JAK1: variants seen among roughly 807,000 people sequenced by gnomAD.
The protein encoded by JAK1 is Janus kinase 1.
In JAK1, 16 loss-of-function variants were observed where a neutral mutation model predicts 136.6. That is an observed-to-expected ratio of 0.12 (90% CI 0.08 to 0.18). The LOEUF is 0.18. Ranked by LOEUF, JAK1 falls within the 10% of genes least tolerant of loss-of-function variation. The pLI is 1.00. For missense variants in JAK1, 859 were observed against 1,450.1 expected, an observed-to-expected ratio of 0.59 and a Z score of 6.62; for synonymous variants, 492 against 519.5, an observed-to-expected ratio of 0.95 and a Z score of 0.72.
In JAK1 at chr1:64,842,832, T is replaced by C. The variant is rs538995917; in HGVS notation, c.2404-1231A>G. 4.6e-5 allele frequency among the ~76,000 whole-genome samples: 7 copies of C among 152,350 alleles called. No individual in the cohort carries two copies. The East Asian group carries it at 1.3e-3, about 29-fold the overall frequency. On this transcript the variant is annotated intron_variant, in intron 17 of 24. Coordinates refer to ENST00000342505, the MANE Select transcript of JAK1 (RefSeq NM_002227.4). Reference sequence around the variant, plus strand: ...AGATCTGTAGATCTGATGGTTTCCCTGCGGGTTTAAGATCCTTTCCCAAGT... The same window carrying C: ...AGATCTGTAGATCTGATGGTTTCCCCGCGGGTTTAAGATCCTTTCCCAAGT...
chr1:64,979,816 A>C (rs1464498848), intron 2 of JAK1: 1 of 152,190 alleles, frequency 6.6e-6, no homozygotes, highest in Non-Finnish European at 1.5e-5. Flanking sequence ...ATTACCGAAA[A>C]TCCAGATAGA....
intron 2 of JAK1, among the ~76,000 whole-genome samples, chr1:65,002,893 C>G (rs1646773086): frequency 6.6e-6 from 1 of 152,220 alleles, no homozygotes; most frequent in Non-Finnish European, 1.5e-5. Context: ...GACGCACGCA[C>G]GCGCTGCTCC....
At chr1:65,050,977 G>C (rs1181223943) in intron 1 of JAK1, among the ~76,000 whole-genome samples, 1 of 152,086 alleles carries the variant, frequency 6.6e-6, no homozygotes, top group Non-Finnish European at 1.5e-5. Flanking sequence ...TTGGTACACA[G>C]GCGCTCAACA....
At chr1:64,839,018 C>A (rs367686039) in intron 20 of JAK1, among the ~76,000 whole-genome samples, 4 of 150,028 alleles carry the variant, frequency 2.7e-5, no homozygotes, top group Non-Finnish European at 5.9e-5. Flanking sequence ...TGATGGCGGG[C>A]GCCTGTAGTC....
At chr1:64,961,650 A>G (rs557032786) in intron 1 of JAK1, among the ~76,000 whole-genome samples, 22 of 152,218 alleles carry the variant, frequency 1.4e-4, no homozygotes, top group African/African-American at 5.3e-4. Flanking sequence ...CACCACGTAC[A>G]TGCCCACTTT....
intron 2 of JAK1, among the ~76,000 whole-genome samples, chr1:64,982,402 G>A (rs1389661425): frequency 1.3e-5 from 2 of 152,156 alleles, no homozygotes; most frequent in Non-Finnish European, 2.9e-5. Context: ...CAGTCCGGGA[G>A]GTAAATTGGC....
chr1:64,989,006 A>G (rs199994207), intron 2 of JAK1, among the ~76,000 whole-genome samples: 2,707 of 93,754 alleles, frequency 0.029, 61 homozygotes, highest in African/African-American at 0.13. Context: ...GTGTGTGTAT[A>G]TATATATATA....
At chr1:64,877,199 A>G (rs1480954793) in intron 4 of JAK1, among the ~76,000 whole-genome samples, 2 of 152,234 alleles carry the variant, frequency 1.3e-5, no homozygotes, top group East Asian at 3.8e-4. Context: ...TATTTCCCAA[A>G]GTAAAACTGG....
chr1:65,005,446 T>C (rs1209924345), intron 2 of JAK1, among the ~76,000 whole-genome samples: 1 of 152,084 alleles, frequency 6.6e-6, no homozygotes, highest in Non-Finnish European at 1.5e-5. Flanking sequence ...AATTTACAGC[T>C]GGATGAAAGG....
intron 4 of JAK1, among the ~76,000 whole-genome samples, 163 bp from the exon 5 acceptor site, chr1:64,873,686 C>T (rs1657216760): frequency 6.6e-6 from 1 of 152,196 alleles, no homozygotes; most frequent in Non-Finnish European, 1.5e-5. Flanking sequence ...TTCCTTCTTA[C>T]TAGCGCTGCG....
intron 2 of JAK1, among the ~76,000 whole-genome samples, chr1:65,042,849 G>A (rs1437444741): frequency 3.3e-5 from 5 of 152,104 alleles, no homozygotes; most frequent in African/African-American, 1.2e-4. Flanking sequence ...CTATCGCATG[G>A]GCATCACCTC....
intron 1 of JAK1, among the ~76,000 whole-genome samples, chr1:64,901,542 CA>C (rs1645105401): frequency 6.6e-6 from 1 of 152,106 alleles, no homozygotes; most frequent in South Asian, 2.1e-4. Context: ...TGAAAAAACT[CA>C]AAAAACCAAC....
chr1:64,968,022 A>G (rs1646412684), upstream of JAK1, among the ~76,000 whole-genome samples: 1 of 152,200 alleles, frequency 6.6e-6, no homozygotes, highest in Admixed American at 6.5e-5. Context: ...AATATAGCCC[A>G]CATGGCATGG....
chr1:64,973,030 G>T (rs1355875087), intron 2 of JAK1: 1 of 151,738 alleles, frequency 6.6e-6, no homozygotes, highest in Non-Finnish European at 1.5e-5. Flanking sequence ...TGAGGCAGGA[G>T]GATTACTTGA....
intron 2 of JAK1, among the ~76,000 whole-genome samples, chr1:65,023,913 CTTTTTT>C (rs35481521): frequency 8.4e-6 from 1 of 119,386 alleles, no homozygotes; most frequent in Non-Finnish European, 1.7e-5. Flanking sequence ...TAGATTCATC[CTTTTTT>C]TTTTTTTTTT....
chr1:65,012,957 G>T (rs575092764), intron 2 of JAK1, among the ~76,000 whole-genome samples: 2 of 151,862 alleles, frequency 1.3e-5, no homozygotes, highest in African/African-American at 4.8e-5. Context: ...TTAGCTGGGC[G>T]TGGTGGCGAG....
intron 8 of JAK1, among the ~76,000 whole-genome samples, chr1:64,862,281 G>C (rs1033399807): frequency 6.6e-6 from 1 of 152,176 alleles, no homozygotes; most frequent in African/African-American, 2.4e-5. Flanking sequence ...GGTCAAAATG[G>C]TCAAATATTG....
chr1:64,930,647 G>A (rs1645673712), intron 1 of JAK1, among the ~76,000 whole-genome samples: 1 of 129,470 alleles, frequency 7.7e-6, no homozygotes, highest in Non-Finnish European at 1.8e-5. Context: ...CCCATTACTG[G>A]GTATATACCC....
chr1:64,883,504 G>C, intron 2 of JAK1, 29 bp from the exon 3 acceptor site: 1 of 1,589,540 alleles, frequency 6.3e-7, no homozygotes, highest in South Asian at 1.1e-5. Context: ...AAGACTATGT[G>C]GTCACTCTAT....
Sources: gnomAD v4.1 joint callset for allele counts (sites outside exome capture counted in the v4.1 genomes callset) on GRCh38, gnomAD v4.1.1 for gene constraint, MANE v1.5 for transcripts, NCBI Gene and HGNC (gene_info 2026-07-23, HGNC 2026-07-21) for gene names.